Variants in CNTN3 observed in about 807,000 individuals in gnomAD.
CNTN3 encodes the protein contactin 3.
Under a neutral mutation model 119.1 loss-of-function variants are expected in CNTN3, and 60 were observed. The ratio of observed to expected loss-of-function variants is 0.50; its 90% CI spans 0.41 to 0.62. The LOEUF is 0.62. CNTN3 is among the 20% of genes least tolerant of loss of function. The pLI, the probability that CNTN3 is intolerant of heterozygous loss-of-function variation, is 0.00. For synonymous variants in CNTN3, 450 were observed against 438.7 expected, an observed-to-expected ratio of 1.03 and a Z score of -0.32; for missense variants, 1,101 against 1,242.4, an observed-to-expected ratio of 0.89 and a Z score of 1.71.
intron 3 of CNTN3, among the ~76,000 whole-genome samples, chr3:74,488,638 CAA>C (rs1191203891): frequency 6.6e-6 from 1 of 152,100 alleles, no homozygotes; most frequent in East Asian, 1.9e-4. Flanking sequence ...CCTTACTGCT[CAA>C]AGTTTATTTT....
intron 1 of CNTN3, among the ~76,000 whole-genome samples, chr3:74,550,452 T>C (rs1318614835): frequency 6.6e-6 from 1 of 152,156 alleles, no homozygotes; most frequent in Non-Finnish European, 1.5e-5. Context: ...TGCAATTGCA[T>C]TGGAAGAGGC....
Position 74,371,375 on chromosome 3 carries a change from T to C in CNTN3, c.479A>G (p.Asn160Ser). Residue 160 changes from asparagine to serine, a missense_variant, in exon 6 of 23, where the codon AAT becomes AGT. Coordinates refer to ENST00000263665, the MANE Select transcript of CNTN3 (RefSeq NM_020872.3). ...SGELSYAWIF[N>S]EYPSFVEEDS... ...TTCTTCAACAAACGATGGGTATTCA[T>C]TGAAGATCCAAGCATATGACAGTTC... 1.9e-6 allele frequency: 3 copies of C among 1,612,910 alleles called. No individual in the cohort carries two copies. Among genetic ancestry groups the C allele is most frequent in the Non-Finnish European group, 2.5e-6 (3 of 1,179,152 alleles).
At chr3:74,295,894 T>A (rs1466031573) in intron 18 of CNTN3, among the ~76,000 whole-genome samples, 4 of 152,176 alleles carry the variant, frequency 2.6e-5, no homozygotes, top group Admixed American at 2.0e-4. Context: ...TGTCAAATGA[T>A]CCTGCTTCTC....
rs748336177 is a variant in CNTN3 at position 74,301,413 on chromosome 3, T to C, written c.2080A>G (p.Arg694Gly). The change falls in exon 16 of 23, where the codon AGA (arginine) becomes GGA (glycine). Residue 694 changes from arginine (R) to glycine (G), a missense_variant. Coordinates refer to ENST00000263665, the MANE Select transcript of CNTN3 (RefSeq NM_020872.3). ...AAACACTAACCTGCCTCTTCAGTTC[T>C]TACTTTTTCTGAGGGTAAACTTGGT... ...GEPSLPSEKVRTEEAVPEVPP... is the reference protein window; with the variant it reads ...GEPSLPSEKVGTEEAVPEVPP... 1.2e-6 allele frequency: 2 copies of C among 1,613,936 alleles called. No individual in the cohort carries two copies. Among genetic ancestry groups the C allele is most frequent in the Non-Finnish European group, 1.7e-6 (2 of 1,179,972 alleles).
chr3:74,334,295 T>C (rs1022562709), intron 13 of CNTN3, among the ~76,000 whole-genome samples: 1 of 152,182 alleles, frequency 6.6e-6, no homozygotes, highest in Admixed American at 6.5e-5. Context: ...ACTGCTAATG[T>C]CTGGTGCAAT....
chr3:74,428,743 C>A (rs1246007444), intron 4 of CNTN3, among the ~76,000 whole-genome samples: 1 of 152,144 alleles, frequency 6.6e-6, no homozygotes, highest in Non-Finnish European at 1.5e-5. Flanking sequence ...CGTCCTAGGC[C>A]TTCACATTCA....
chr3:74,329,014 A>G (rs1387972718), intron 13 of CNTN3, among the ~76,000 whole-genome samples: 1 of 152,206 alleles, frequency 6.6e-6, no homozygotes, highest in Non-Finnish European at 1.5e-5. Context: ...TTGTTTGGGG[A>G]ATGAGTGCTT....
In CNTN3 at chr3:74,334,872, C is replaced by T. The variant is rs770715366; in HGVS notation, c.1531G>A (p.Val511Ile). ...AATATGACGCTTTCACCAACAGAAA[C>T]ATCCATGTTAGATGGTGCCAAAGTT... Reference protein sequence around the residue: ...RITLAPSNMDVSVGESVILPC... With the variant: ...RITLAPSNMDISVGESVILPC... Residue 511 changes from valine (V) to isoleucine (I), a missense_variant, in exon 13 of 23, where the codon GTT becomes ATT. Coordinates refer to ENST00000263665, the MANE Select transcript of CNTN3 (RefSeq NM_020872.3). The T allele has an allele frequency of 5.6e-6, 9 of 1,613,538 alleles. No individual in the cohort carries two copies. Among genetic ancestry groups the T allele is most frequent in the Non-Finnish European group, 7.6e-6 (9 of 1,179,662 alleles).
At chr3:74,532,032 T>A (rs1322311049) in intron 1 of CNTN3, among the ~76,000 whole-genome samples, 2 of 151,090 alleles carry the variant, frequency 1.3e-5, no homozygotes, top group South Asian at 2.1e-4. Context: ...GAAGGAGGGA[T>A]AAAGAGAGGG....
chr3:74,556,795 A>G (rs1704076048), intron 1 of CNTN3, among the ~76,000 whole-genome samples: 1 of 152,122 alleles, frequency 6.6e-6, no homozygotes, highest in Admixed American at 6.6e-5. Flanking sequence ...ATCCTTGTCA[A>G]CATTTGTTAT....
chr3:74,346,176 TTATC>T (rs1424464881), intron 11 of CNTN3, among the ~76,000 whole-genome samples: 2 of 152,134 alleles, frequency 1.3e-5, no homozygotes, highest in Non-Finnish European at 2.9e-5. Context: ...GTTTATAAAA[TTATC>T]TAAACTAAGA....
rs538026998 is a variant in CNTN3 at position 74,608,512 on chromosome 3, G to A, written c.-81+5879C>T. On this transcript the variant is annotated intron_variant, in intron 1 of 22. Transcript: ENST00000263665. Reference sequence around the variant, plus strand: ...CTCATTACTTCAAGGACCAGTCCTCGGTGCTCACAACCTTTGGCTTATGCT... The same window carrying A: ...CTCATTACTTCAAGGACCAGTCCTCAGTGCTCACAACCTTTGGCTTATGCT... Among the ~76,000 whole-genome samples, 18 of 152,124 alleles carry A rather than the reference G, an allele frequency of 1.2e-4. No homozygotes were observed. In the South Asian group the frequency reaches 3.3e-3, roughly 28 times the overall value.
In CNTN3 at chr3:74,543,435, G is replaced by C. The variant is rs943360002; in HGVS notation, c.-80-22243C>G. 3.3e-5 allele frequency among the ~76,000 whole-genome samples: 5 copies of C among 152,132 alleles called. No individual in the cohort carries two copies. In the South Asian group the frequency reaches 6.2e-4, roughly 19 times the overall value. ...GGATACTTATCTCTGTTTTCTAAAA[G>C]AAGGTGTTAGAATGGTGTGAGAATG... On this transcript the variant is annotated intron_variant, in intron 1 of 22. Coordinates refer to ENST00000263665, the MANE Select transcript of CNTN3 (RefSeq NM_020872.3).
In CNTN3 at chr3:74,490,336, C is replaced by T. The variant is rs539810117; in HGVS notation, c.183-3705G>A. Among the ~76,000 whole-genome samples the T allele has an allele frequency of 2.6e-5, 4 of 152,284 alleles. No homozygotes were observed. The South Asian group carries it at 8.3e-4, about 32-fold the overall frequency. ...GGAAAGACTCTCATGACAAAGGGCA[C>T]TTGAGTTTATCTTATCTAAGAAGAG... is the stretch of plus-strand genomic sequence containing the variant. On this transcript the variant is annotated intron_variant, in intron 3 of 22. Coordinates refer to ENST00000263665, the MANE Select transcript of CNTN3 (RefSeq NM_020872.3).
At chr3:74,353,872 A>T (rs1002795148) in intron 11 of CNTN3, among the ~76,000 whole-genome samples, 5 of 152,146 alleles carry the variant, frequency 3.3e-5, no homozygotes, top group African/African-American at 1.2e-4. Context: ...GAATGCAGTC[A>T]TGTCATCTCT....
At chr3:74,265,110 G>C (rs1297864373) in intron 22 of CNTN3, among the ~76,000 whole-genome samples, 1 of 152,122 alleles carries the variant, frequency 6.6e-6, no homozygotes, top group Admixed American at 6.6e-5. Flanking sequence ...TGAAGGGTCT[G>C]TGCTTGTTTC....
At chr3:74,272,631 G>A (rs1477106404) in intron 20 of CNTN3, among the ~76,000 whole-genome samples, 3 of 152,132 alleles carry the variant, frequency 2.0e-5, no homozygotes, top group Non-Finnish European at 2.9e-5. Flanking sequence ...CACATGCACT[G>A]GGGGATGTGA....
At chr3:74,546,487 C>T (rs1703917320) in intron 1 of CNTN3, among the ~76,000 whole-genome samples, 1 of 152,286 alleles carries the variant, frequency 6.6e-6, no homozygotes, top group Non-Finnish European at 1.5e-5. Context: ...TAATCAGCTG[C>T]CAGCACAGCT....
chr3:74,553,215 T>C (rs1007262524), intron 1 of CNTN3, among the ~76,000 whole-genome samples: 3 of 152,076 alleles, frequency 2.0e-5, no homozygotes, highest in Admixed American at 2.0e-4. Context: ...GATAGTTTGC[T>C]GAGAATGATG....
Sources: allele counts gnomAD v4.1 joint callset (sites outside exome capture counted in the v4.1 genomes callset), GRCh38; gene constraint gnomAD v4.1.1; transcripts MANE v1.5; gene names NCBI Gene and HGNC (gene_info 2026-07-23, HGNC 2026-07-21).